CCNF: variants seen among roughly 807,000 people sequenced by gnomAD.
The protein encoded by CCNF is cyclin-F.
Under a neutral mutation model 85.4 loss-of-function variants are expected in CCNF, and 30 were observed. The ratio of observed to expected loss-of-function variants is 0.35; its 90% CI spans 0.26 to 0.48. The LOEUF is 0.48. Among genes scored for constraint, CCNF ranks in the 20% least tolerant of loss-of-function variants. CCNF has a pLI of 0.99. For missense variants in CCNF, 919 were observed against 1,010.4 expected, an observed-to-expected ratio of 0.91 and a Z score of 1.23; for synonymous variants, 439 against 425.1, an observed-to-expected ratio of 1.03 and a Z score of -0.40.
rs763419880 is a variant in CCNF at position 2,456,837 on chromosome 16, A to G, written c.2178A>G (p.Ser726=). The change falls in exon 17 of 17, where the codon TCA becomes TCG. Residue 726 remains serine (S), a synonymous_variant. Coordinates refer to ENST00000397066, the MANE Select transcript of CCNF (RefSeq NM_001761.3). This position sits in a 1 kb window ranked among gnomAD's most constrained non-coding sequence, Gnocchi z 4.5. ...GGLGALPQPT[S]VLSLDSDSHT... ...TGGGGGCCCTGCCCCAACCTACCTC[A>G]GTGCTGTCCCTGGACAGTGACTCGC... 14 of 1,613,948 alleles carry G rather than the reference A, an allele frequency of 8.7e-6. No individual in the cohort carries two copies. The Admixed American group carries it at 2.0e-4, about 23-fold the overall frequency.
intron 8 of CCNF, among the ~76,000 whole-genome samples, chr16:2,441,966 TATATATATATATA>T (rs1567385694): frequency 1.5e-5 from 2 of 133,976 alleles, no homozygotes; most frequent in African/African-American, 5.6e-5. Flanking sequence ...TATATATATA[TATATATATATATA>T]TATGTTTTTG....
intron 2 of CCNF, among the ~76,000 whole-genome samples, chr16:2,432,426 C>T (rs1197648107): frequency 6.6e-6 from 1 of 152,140 alleles, no homozygotes; most frequent in Non-Finnish European, 1.5e-5. Context: ...TTTCCAATGG[C>T]AGTGGAAACT....
intron 7 of CCNF, 36 bp from the exon 8 acceptor site, chr16:2,439,713 C>A (rs772905902): frequency 2.5e-6 from 4 of 1,577,368 alleles, no homozygotes; most frequent in Non-Finnish European, 3.5e-6. Flanking sequence ...TCCCAAGACA[C>A]AGTTGTACAA....
At chr16:2,440,700 G>A (rs1332114453) in intron 8 of CCNF, among the ~76,000 whole-genome samples, 3 of 152,184 alleles carry the variant, frequency 2.0e-5, no homozygotes, top group Non-Finnish European at 2.9e-5. Flanking sequence ...AGTGATCTGC[G>A]CTCAAATGCT....
intron 3 of CCNF, 151 bp downstream of exon 3, chr16:2,433,218 A>C: frequency 1.7e-6 from 1 of 586,636 alleles, no homozygotes; most frequent in Non-Finnish European, 3.1e-6. Flanking sequence ...TGAGGGTGGC[A>C]GACCTCACGC....
At chr16:2,442,157 C>A (rs1313041987) in intron 8 of CCNF, among the ~76,000 whole-genome samples, 1 of 144,206 alleles carries the variant, frequency 6.9e-6, no homozygotes, top group Non-Finnish European at 1.5e-5. Flanking sequence ...AGGCATTGCA[C>A]CACCACGCCC....
At chr16:2,440,448 C>T (rs1053064503) in intron 8 of CCNF, among the ~76,000 whole-genome samples, 2 of 151,952 alleles carry the variant, frequency 1.3e-5, no homozygotes, top group South Asian at 2.1e-4. Context: ...GTGAAACCAT[C>T]GCTACTAAAA....
rs1258392879 is a variant in CCNF, at chr16:2,444,483, G to A, written c.929+683G>A. ...CCCAGCTAATTTTTTTGTATTTTTAGTAGAGATGGGGTTTCATCGTATTAG... is the reference window on the plus strand; with the variant it reads ...CCCAGCTAATTTTTTTGTATTTTTAATAGAGATGGGGTTTCATCGTATTAG... On this transcript the variant is annotated intron_variant, in intron 9 of 16. Transcript: ENST00000397066. Among the ~76,000 whole-genome samples, 11 of 149,844 alleles carry A rather than the reference G, an allele frequency of 7.3e-5. No individual in the cohort carries two copies. The South Asian group carries it at 1.5e-3, about 20-fold the overall frequency.
chr16:2,443,413 G>C (rs1221024917), intron 8 of CCNF, among the ~76,000 whole-genome samples: 1 of 151,620 alleles, frequency 6.6e-6, no homozygotes, highest in African/African-American at 2.4e-5. Context: ...CCTGAGCCAC[G>C]GTGGAAAGGC....
At chr16:2,449,177 C>A (rs148573205) in intron 11 of CCNF, 105 bp from the exon 12 acceptor site, 2 of 1,467,938 alleles carry the variant, frequency 1.4e-6, no homozygotes, top group South Asian at 1.1e-5. Flanking sequence ...CGTGCAGCAT[C>A]GGCGTGAACA....
At chr16:2,444,050 G>T (rs909059647) in intron 9 of CCNF, among the ~76,000 whole-genome samples, 4 of 151,586 alleles carry the variant, frequency 2.6e-5, no homozygotes, top group Non-Finnish European at 5.9e-5. Flanking sequence ...CTCCCGAGTA[G>T]CTGGGACTAC....
chr16:2,440,950 G>GCT (rs2065317877), intron 8 of CCNF, among the ~76,000 whole-genome samples: 2 of 152,102 alleles, frequency 1.3e-5, no homozygotes, highest in African/African-American at 4.8e-5. Flanking sequence ...TTAGCTGGAT[G>GCT]GGCTGGGTGC....
In CCNF at chr16:2,439,766, A is replaced by T. The variant is rs775908273; in HGVS notation, c.717A>T (p.Arg239=). The T allele has an allele frequency of 3.7e-5, 60 of 1,614,066 alleles. No individual in the cohort carries two copies. Among genetic ancestry groups the T allele is most frequent in the Non-Finnish European group, 4.9e-5 (58 of 1,180,024 alleles). Residue 239 remains arginine (R), a synonymous_variant, in exon 8 of 17, where the codon CGA becomes CGT. Transcript: ENST00000397066. ...DRRTDVSDPG[R]CLHSFRKLRD... is the part of the protein sequence containing the mutation. Reference sequence around the variant, plus strand: ...ATTGACAGGTGTCAGATCCTGGGCGATGCCTCCACAGCTTCCGAAAACTCA... The same window carrying T: ...ATTGACAGGTGTCAGATCCTGGGCGTTGCCTCCACAGCTTCCGAAAACTCA...
chr16:2,436,423 A>T (rs1312396236), intron 4 of CCNF: 1 of 152,458 alleles, frequency 6.6e-6, no homozygotes, highest in Non-Finnish European at 1.5e-5. Context: ...TCAGCACCCC[A>T]AGGAACGAGC....
rs765654180 is a variant in CCNF, at chr16:2,453,342, G to C, written c.1587+33G>C. The C allele has an allele frequency of 6.2e-7, 1 of 1,613,730 alleles. No homozygotes were observed. Among genetic ancestry groups the C allele is most frequent in the East Asian group, 2.2e-5 (1 of 44,876 alleles). ...CCTCCCGCCACCTGGGCGTCTCATG[G>C]GGTGCTGGGGTGTGGGCGGGCCTCA... On this transcript the variant is annotated intron_variant, in intron 14 of 16. Transcript: ENST00000397066. The surrounding 1 kb of genome is among the most constrained non-coding windows in gnomAD (Gnocchi z 5.6).
intron 10 of CCNF, among the ~76,000 whole-genome samples, chr16:2,446,182 G>A (rs2065361426): frequency 6.6e-6 from 1 of 152,204 alleles, no homozygotes; most frequent in Non-Finnish European, 1.5e-5. Flanking sequence ...ATTCATCCTG[G>A]CATGCAGTCT....
intron 13 of CCNF, among the ~76,000 whole-genome samples, chr16:2,450,330 C>A (rs1160054661): frequency 9.3e-6 from 1 of 107,984 alleles, no homozygotes; most frequent in African/African-American, 4.1e-5. Context: ...AAAACCCTGT[C>A]TCTACTAAAA....
chr16:2,438,236 G>A (rs747480031), intron 6 of CCNF, 113 bp downstream of exon 6: 1 of 844,126 alleles, frequency 1.2e-6, no homozygotes, highest in Non-Finnish European at 2.1e-6. Context: ...CAAAAGGCAA[G>A]CCTTGCCCAG....
At chr16:2,437,902 TTAAA>T in intron 5 of CCNF, 164 bp from the exon 6 acceptor site, 2 of 467,504 alleles carry the variant, frequency 4.3e-6, no homozygotes, top group Non-Finnish European at 3.6e-6. Flanking sequence ...CTGTTTCCCT[TTAAA>T]AAAAAAAAAA....
Sources: gnomAD v4.1 joint callset for allele counts (sites outside exome capture counted in the v4.1 genomes callset) on GRCh38, gnomAD v4.1.1 for gene constraint, Gnocchi (gnomAD v3.1) non-coding constraint, MANE v1.5 for transcripts, NCBI Gene and HGNC (gene_info 2026-07-23, HGNC 2026-07-21) for gene names.